KIDINS220: variants seen among roughly 807,000 people sequenced by gnomAD.
KIDINS220 encodes the protein kinase D interacting substrate 220, also known as kinase D-interacting substrate of 220 kDa.
Under a neutral mutation model 157.6 loss-of-function variants are expected in KIDINS220, and 63 were observed. The observed-to-expected ratio is 0.40, with a 90% CI of 0.33 to 0.49. The LOEUF (loss-of-function observed/expected upper bound fraction) is 0.49. Among genes scored for constraint, KIDINS220 ranks in the 20% least tolerant of loss-of-function variants. KIDINS220 has a pLI of 0.66. For missense variants in KIDINS220, 1,772 were observed against 2,171.2 expected (o/e 0.82, Z 3.65); for synonymous variants, 732 against 783.6 (o/e 0.93, Z 1.10).
intron 12 of KIDINS220, among the ~76,000 whole-genome samples, chr2:8,791,982 T>G (rs1673250931): frequency 6.6e-6 from 1 of 152,162 alleles, no homozygotes; most frequent in South Asian, 2.1e-4. Flanking sequence ...TCATATAGGA[T>G]ATTAACATAA....
chr2:8,777,664 C>A (rs1022120358), intron 20 of KIDINS220, among the ~76,000 whole-genome samples: 1 of 152,078 alleles, frequency 6.6e-6, no homozygotes, highest in Non-Finnish European at 1.5e-5. Context: ...ATCCTCACAT[C>A]GCCACATGAA....
chr2:8,817,017 G>A (rs554037340), intron 4 of KIDINS220, among the ~76,000 whole-genome samples: 10 of 152,104 alleles, frequency 6.6e-5, no homozygotes, highest in African/African-American at 9.7e-5. Flanking sequence ...ACAGCAGATC[G>A]TTTTCTTCCT....
intron 12 of KIDINS220, among the ~76,000 whole-genome samples, chr2:8,791,947 A>C (rs968532370): frequency 2.0e-5 from 3 of 152,200 alleles, no homozygotes; most frequent in Middle Eastern, 3.2e-3. Context: ...AAAAATGTAA[A>C]ACAATAATTT....
At chr2:8,772,068 C>T (rs1385925108) in intron 21 of KIDINS220, among the ~76,000 whole-genome samples, 1 of 152,038 alleles carries the variant, frequency 6.6e-6, no homozygotes, top group East Asian at 1.9e-4. Flanking sequence ...CTGGCAGAGA[C>T]AAGGGAAGCA....
chr2:8,792,639 T>C (rs1673362478), intron 12 of KIDINS220, among the ~76,000 whole-genome samples: 1 of 152,226 alleles, frequency 6.6e-6, no homozygotes, highest in Non-Finnish European at 1.5e-5. Flanking sequence ...TACCCAGTGC[T>C]AGCAAGCTTG....
chr2:8,730,550 T>G lies in KIDINS220; in HGVS notation c.*170A>C. ...ACAGAGGCTGGCTGGTGAGCCATGC[T>G]TCTCATGCTCCCTTCTGTCACACTG... On this transcript the variant is annotated 3_prime_UTR_variant, in exon 30 of 30. Transcript: ENST00000256707. 7.0e-7 allele frequency: 1 copy of G among 1,430,466 alleles called. No individual in the cohort carries two copies. The highest frequency in any genetic ancestry group is 1.6e-5 in the South Asian group (1 of 63,850). 88.6% of individuals were successfully genotyped at this position (1,430,466 alleles called of 1,614,324 possible).
intron 4 of KIDINS220, among the ~76,000 whole-genome samples, chr2:8,815,989 T>C (rs548081855): frequency 3.9e-5 from 6 of 152,118 alleles, no homozygotes; most frequent in Non-Finnish European, 8.8e-5. Flanking sequence ...GAGTAGTTAC[T>C]TGGGTAGTTA....
chr2:8,777,481 T>C (rs1671123075), intron 20 of KIDINS220, among the ~76,000 whole-genome samples: 2 of 152,096 alleles, frequency 1.3e-5, no homozygotes, highest in Admixed American at 1.3e-4. Context: ...TTATTTCTAT[T>C]TTATGTAGAG....
chr2:8,789,394 T>G (rs1299389535), intron 14 of KIDINS220, among the ~76,000 whole-genome samples: 2 of 149,484 alleles, frequency 1.3e-5, no homozygotes, highest in Non-Finnish European at 3.0e-5. Flanking sequence ...TTCACGCCAT[T>G]CTCCTGCCTC....
intron 11 of KIDINS220, among the ~76,000 whole-genome samples, chr2:8,795,168 G>A (rs1248674782): frequency 6.6e-6 from 1 of 152,104 alleles, no homozygotes; most frequent in Non-Finnish European, 1.5e-5. Context: ...GTAACTAATT[G>A]CCAAATTTCC....
chr2:8,835,479 TA>T (rs1172696785), intron 1 of KIDINS220, among the ~76,000 whole-genome samples: 1 of 151,890 alleles, frequency 6.6e-6, no homozygotes, highest in Non-Finnish European at 1.5e-5. Context: ...GGGTCACACA[TA>T]AAATGATACA....
chr2:8,792,846 A>G (rs2148284710), intron 12 of KIDINS220, among the ~76,000 whole-genome samples: 1 of 152,324 alleles, frequency 6.6e-6, no homozygotes, highest in South Asian at 2.1e-4. Context: ...CCTAAAAATA[A>G]GAGTCAATGG....
intron 2 of KIDINS220, 83 bp downstream of exon 2, chr2:8,826,903 T>C (rs1290461189): frequency 1.4e-6 from 1 of 700,204 alleles, no homozygotes; most frequent in Non-Finnish European, 2.5e-6. Context: ...GAACTACCTA[T>C]TTCTTACACA....
At chr2:8,767,122 C>T (rs1204521612) in intron 22 of KIDINS220, among the ~76,000 whole-genome samples, 1 of 152,068 alleles carries the variant, frequency 6.6e-6, no homozygotes, top group Non-Finnish European at 1.5e-5. Flanking sequence ...GTTTCCTCTC[C>T]TATATGGGGA....
intron 15 of KIDINS220, 87 bp downstream of exon 15, chr2:8,788,560 C>T (rs1398793152): frequency 7.6e-6 from 10 of 1,318,922 alleles, no homozygotes; most frequent in Middle Eastern, 2.4e-4. Flanking sequence ...TGAGCCACCA[C>T]ACCCGGCTCC....
chr2:8,812,173 T>C (rs1227047337), intron 6 of KIDINS220, among the ~76,000 whole-genome samples: 2 of 152,158 alleles, frequency 1.3e-5, no homozygotes, highest in Admixed American at 1.3e-4. Context: ...TCAGTTTTCT[T>C]GGGAATGATG....
In KIDINS220 at chr2:8,776,871, T is replaced by G. The variant is rs750997861; in HGVS notation, c.2725A>C (p.Met909Leu). 12 of 1,613,896 alleles carry G rather than the reference T, an allele frequency of 7.4e-6. No individual in the cohort carries two copies. Among genetic ancestry groups the G allele is most frequent in the Non-Finnish European group, 1.0e-5 (12 of 1,179,886 alleles). Residue 909 changes from methionine (M) to leucine (L), a missense_variant, in exon 21 of 30, where the codon ATG (methionine) becomes CTG (leucine). Physicochemically the swap from Met to Leu is conservative, Grantham distance 15. This residue lies in a region of KIDINS220 where 725 missense variants were observed against 1,017.1 expected (regional missense o/e 0.71). Transcript: ENST00000256707. Reference protein sequence around the residue: ...NRRDTYRRRQMQRTITRQMSF... With the variant: ...NRRDTYRRRQLQRTITRQMSF... ...ATCTGGCGAGTGATGGTCCTCTGCA[T>G]CTGCCTTCTTCGGTAAGTGTCCTGA...
In KIDINS220 at chr2:8,729,258, G is replaced by C; in HGVS notation, c.*1462C>G. ...AACATCAAGGCAATGAAACACAAAAGAGCAACTATTTAGCACAATGACTGG... is the reference window on the plus strand; with the variant it reads ...AACATCAAGGCAATGAAACACAAAACAGCAACTATTTAGCACAATGACTGG... On this transcript the variant is annotated 3_prime_UTR_variant, in exon 30 of 30. Coordinates refer to ENST00000256707, the MANE Select transcript of KIDINS220 (RefSeq NM_020738.4). 1.0e-6 allele frequency: 1 copy of C among 985,270 alleles called. No homozygotes were observed. The highest frequency in any genetic ancestry group is 1.7e-5 in the African/African-American group (1 of 57,332). 61.0% of individuals were successfully genotyped at this position (985,270 alleles called of 1,614,324 possible).
At chr2:8,791,684 T>G (rs1249172200) in intron 12 of KIDINS220, among the ~76,000 whole-genome samples, 1 of 152,122 alleles carries the variant, frequency 6.6e-6, no homozygotes, top group Non-Finnish European at 1.5e-5. Flanking sequence ...AAAATAAATT[T>G]AGTACGTGTA....
Sources: allele counts gnomAD v4.1 joint callset (sites outside exome capture counted in the v4.1 genomes callset), GRCh38; gene constraint gnomAD v4.1.1; regional missense constraint gnomAD v4.1.1; transcripts MANE v1.5; gene names NCBI Gene and HGNC (gene_info 2026-07-23, HGNC 2026-07-21).